Variants in HYCC1 observed in about 807,000 individuals in gnomAD.
HYCC1 encodes hyccin.
chr7:22,969,770 C>T, the HYCC1 span, among the ~76,000 whole-genome samples: 5 of 152,084 alleles, frequency 3.3e-5, no homozygotes, highest in African/African-American at 1.2e-4. Context: ...GTGATCTACC[C>T]ACATCGGCCT....
the HYCC1 span, among the ~76,000 whole-genome samples, chr7:22,966,755 T>C: frequency 1.3e-5 from 2 of 152,154 alleles, no homozygotes; most frequent in Admixed American, 6.6e-5. Context: ...ATTTCAAAAA[T>C]ATTCCCCAAG....
the HYCC1 span, among the ~76,000 whole-genome samples, chr7:22,931,556 C>T: frequency 1.1e-4 from 16 of 151,984 alleles, no homozygotes; most frequent in Non-Finnish European, 2.2e-4. Context: ...TGATAGAAAA[C>T]CTAAATTGCT....
At chr7:22,945,107 C>CT in the HYCC1 span, 1 of 159,832 alleles carries the variant, frequency 6.3e-6, no homozygotes, top group Non-Finnish European at 1.4e-5. Flanking sequence ...TGACCAGGAG[C>CT]TAGAGAATTC....
At chr7:22,924,866 G>A in the HYCC1 span, among the ~76,000 whole-genome samples, 1 of 152,228 alleles carries the variant, frequency 6.6e-6, no homozygotes, top group African/African-American at 2.4e-5. Flanking sequence ...TGAGATCTGA[G>A]AATGGGCAGA....
the HYCC1 span, among the ~76,000 whole-genome samples, chr7:22,986,233 G>C: frequency 6.6e-6 from 1 of 151,678 alleles, no homozygotes; most frequent in African/African-American, 2.4e-5. Context: ...TGAAAGGAAG[G>C]GTATCTTAAA....
chr7:22,926,440 C>G, the HYCC1 span, among the ~76,000 whole-genome samples: 2 of 152,136 alleles, frequency 1.3e-5, no homozygotes, highest in Admixed American at 1.3e-4. Flanking sequence ...GGAAACTCAT[C>G]TCACGTGCAG....
chr7:22,941,008 C>T, the HYCC1 span: 6 of 151,928 alleles, frequency 3.9e-5, no homozygotes, highest in Admixed American at 1.3e-4. Flanking sequence ...ACAAATAATC[C>T]GCCACTGGTG....
At chr7:22,994,054 C>T in the HYCC1 span, among the ~76,000 whole-genome samples, 1 of 152,162 alleles carries the variant, frequency 6.6e-6, no homozygotes, top group African/African-American at 2.4e-5. Context: ...TACCACAGCT[C>T]ACTGTAGCCT....
the HYCC1 span, among the ~76,000 whole-genome samples, chr7:22,911,618 C>T: frequency 4.2e-4 from 64 of 152,224 alleles, no homozygotes; most frequent in Non-Finnish European, 8.4e-4. Context: ...ATCAGCTGGG[C>T]GTGGTGGCGC....
At chr7:22,911,860 T>C in the HYCC1 span, among the ~76,000 whole-genome samples, 1 of 152,228 alleles carries the variant, frequency 6.6e-6, no homozygotes, top group Non-Finnish European at 1.5e-5. Flanking sequence ...ATGTTTCTGA[T>C]CATGTAGCCT....
chr7:22,968,913 G>A, the HYCC1 span, among the ~76,000 whole-genome samples: 1 of 152,046 alleles, frequency 6.6e-6, no homozygotes, highest in Non-Finnish European at 1.5e-5. Context: ...TTGAACCCAG[G>A]AGGCGGAGGT....
chr7:22,939,520 G>A, the HYCC1 span: 3 of 152,046 alleles, frequency 2.0e-5, no homozygotes, highest in African/African-American at 2.4e-5. Context: ...ACAGAATAAC[G>A]AGCATTGTTT....
At chr7:22,946,037 T>C in the HYCC1 span, 1 of 1,613,742 alleles carries the variant, frequency 6.2e-7, no homozygotes, top group Admixed American at 1.7e-5. Flanking sequence ...ACTTGGCTTG[T>C]TACTACAATT....
the HYCC1 span, among the ~76,000 whole-genome samples, chr7:22,981,867 AGAT>A: frequency 6.6e-6 from 1 of 152,330 alleles, no homozygotes; most frequent in East Asian, 1.9e-4. Flanking sequence ...TGTCTGTGAC[AGAT>A]GATAATTTTT....
chr7:22,924,380 G>A, the HYCC1 span, among the ~76,000 whole-genome samples: 2 of 152,118 alleles, frequency 1.3e-5, no homozygotes, highest in Non-Finnish European at 2.9e-5. Flanking sequence ...GAAGCAGGGC[G>A]AGGCATTGCC....
At chr7:22,915,057 A>G in the HYCC1 span, among the ~76,000 whole-genome samples, 1 of 152,220 alleles carries the variant, frequency 6.6e-6, no homozygotes, top group African/African-American at 2.4e-5. Flanking sequence ...AACTCAGCCC[A>G]GTTCATGGCC....
At chr7:22,905,236 T>C in the HYCC1 span, among the ~76,000 whole-genome samples, 1 of 152,030 alleles carries the variant, frequency 6.6e-6, no homozygotes, top group Admixed American at 6.6e-5. Flanking sequence ...AAACAGAGTG[T>C]TGCTGTGTTG....
At chr7:23,002,173 TATAC>T in the HYCC1 span, among the ~76,000 whole-genome samples, 5,649 of 34,950 alleles carry the variant, frequency 0.16, 289 homozygotes, top group Admixed American at 0.23. Flanking sequence ...TATATATATA[TATAC>T]ATATAGTTTG....
At chr7:22,903,604 A>G in the HYCC1 span, among the ~76,000 whole-genome samples, 6 of 152,218 alleles carry the variant, frequency 3.9e-5, no homozygotes, top group Non-Finnish European at 2.9e-5. Flanking sequence ...ATTCTAGGAC[A>G]CTTAGTTTCA....
Sources: gnomAD v4.1 joint callset for allele counts (sites outside exome capture counted in the v4.1 genomes callset) on GRCh38, gnomAD v4.1.1 for gene constraint, MANE v1.5 for transcripts, NCBI Gene and HGNC (gene_info 2026-07-23, HGNC 2026-07-21) for gene names.